Variants in EPHA6 observed in about 807,000 individuals in gnomAD.
EPHA6 encodes EPH receptor A6, also known as ephrin type-A receptor 6.
In EPHA6, 50 loss-of-function variants were observed where a neutral mutation model predicts 112.0. The ratio of observed to expected loss-of-function variants is 0.45; its 90% CI spans 0.36 to 0.56. The LOEUF (loss-of-function observed/expected upper bound fraction) is 0.56. EPHA6 is among the 20% of genes least tolerant of loss of function. EPHA6 has a pLI of 0.00. For synonymous variants in EPHA6, 529 were observed against 490.7 expected (o/e 1.08, Z -1.03); for missense variants, 1,280 against 1,417.4 (o/e 0.90, Z 1.56).
intron 3 of EPHA6, among the ~76,000 whole-genome samples, chr3:97,178,686 A>C (rs1166592024): frequency 6.6e-5 from 10 of 152,124 alleles, no homozygotes; most frequent in Admixed American, 6.6e-4. Context: ...CCTGTCCTCT[A>C]TGCTTTCCAC....
In EPHA6 at chr3:97,108,791, C is replaced by A. The variant is rs1272823620; in HGVS notation, c.1115-117473C>A. Reference sequence around the variant, plus strand: ...CTCTTTGGGACCTTGACCTCACTTCCAAATACTTCCAGTTATTATTGAGAA... The same window carrying A: ...CTCTTTGGGACCTTGACCTCACTTCAAAATACTTCCAGTTATTATTGAGAA... On this transcript the variant is annotated intron_variant, in intron 3 of 17. Transcript: ENST00000389672. Among the ~76,000 whole-genome samples, 3 of 152,164 alleles carry A rather than the reference C, an allele frequency of 2.0e-5. No homozygotes were observed. The East Asian group carries it at 5.8e-4, about 29-fold the overall frequency.
At chr3:96,878,165 T>C (rs2037087720) in intron 2 of EPHA6, among the ~76,000 whole-genome samples, 1 of 152,004 alleles carries the variant, frequency 6.6e-6, no homozygotes, top group South Asian at 2.1e-4. Flanking sequence ...TAAATAAATA[T>C]GTACAGCCAC....
At position 97,383,151 on chromosome 3, in the gene EPHA6, T is replaced by C. The variant is rs543647440; in HGVS notation, c.1607-21999T>C. On this transcript the variant is annotated intron_variant, in intron 5 of 17. Coordinates refer to ENST00000389672, the MANE Select transcript of EPHA6 (RefSeq NM_001080448.3). The stretch of plus-strand genomic sequence containing the variant: ...TGAAAGACTAATTAGGACCTCAATA[T>C]GTTGATTTGGAAAATAAGCTGTGGA... 1.4e-3 allele frequency among the ~76,000 whole-genome samples: 206 copies of C among 152,164 alleles called. 1 individual carries two copies. Among genetic ancestry groups the C allele is most frequent in the Middle Eastern group, 6.8e-3 (2 of 294 alleles).
chr3:97,282,909 G>A (rs2080336915), intron 5 of EPHA6, among the ~76,000 whole-genome samples: 2 of 152,136 alleles, frequency 1.3e-5, no homozygotes, highest in Non-Finnish European at 1.5e-5. Flanking sequence ...GTGATAGGTT[G>A]ATAGGTACAG....
chr3:96,969,535 A>C (rs1374469275), intron 2 of EPHA6, among the ~76,000 whole-genome samples: 1 of 151,994 alleles, frequency 6.6e-6, no homozygotes, highest in African/African-American at 2.4e-5. Context: ...CAAAACATAT[A>C]TCATTGTGAA....
chr3:97,299,830 G>A (rs543115133), intron 5 of EPHA6, among the ~76,000 whole-genome samples: 1 of 152,286 alleles, frequency 6.6e-6, no homozygotes, highest in Admixed American at 6.5e-5. Flanking sequence ...CTTAGGTTGT[G>A]CCTCAGTTGG....
intron 11 of EPHA6, among the ~76,000 whole-genome samples, chr3:97,584,174 T>C (rs944365302): frequency 6.6e-6 from 1 of 152,196 alleles, no homozygotes; most frequent in African/African-American, 2.4e-5. Context: ...ACTACCTTTG[T>C]ATTGTTCATA....
chr3:97,352,283 G>A (rs1173671317), intron 5 of EPHA6, among the ~76,000 whole-genome samples: 1 of 152,040 alleles, frequency 6.6e-6, no homozygotes, highest in African/African-American at 2.4e-5. Flanking sequence ...CCCAACAGGA[G>A]CACCAAATTG....
intron 11 of EPHA6, among the ~76,000 whole-genome samples, chr3:97,556,362 G>C (rs1173662169): frequency 6.6e-6 from 1 of 152,028 alleles, no homozygotes; most frequent in Non-Finnish European, 1.5e-5. Flanking sequence ...CCTGAGACTG[G>C]GTAATTTACA....
intron 2 of EPHA6, 44 bp downstream of exon 2, chr3:96,866,933 T>A: frequency 1.8e-6 from 2 of 1,141,656 alleles, no homozygotes; most frequent in Admixed American, 5.7e-5. Context: ...TTTAGATTTT[T>A]AAGATCTCCT....
chr3:97,329,855 C>A (rs1169158378), intron 5 of EPHA6, among the ~76,000 whole-genome samples: 1 of 151,894 alleles, frequency 6.6e-6, no homozygotes, highest in Admixed American at 6.6e-5. Context: ...GCTTTTGTTG[C>A]CATTGCTTTT....
In EPHA6 at chr3:97,285,916, CATAA is replaced by C. The variant is rs896938391; in HGVS notation, c.1606+41634_1606+41637del. On this transcript the variant is annotated intron_variant, in intron 5 of 17. Coordinates refer to ENST00000389672, the MANE Select transcript of EPHA6 (RefSeq NM_001080448.3). Reference sequence around the variant, plus strand: ...CAGCATGTACTATTTTTTGTCATTTCATAAATAATCATTCTAGGGTAAGATGATA... The same window carrying C: ...CAGCATGTACTATTTTTTGTCATTTCATAATCATTCTAGGGTAAGATGATA... Among the ~76,000 whole-genome samples, 160 of 152,118 alleles carry C rather than the reference CATAA, an allele frequency of 1.1e-3. 1 individual carries two copies. The highest frequency in any genetic ancestry group is 3.4e-3 in the African/African-American group (141 of 41,548).
intron 3 of EPHA6, among the ~76,000 whole-genome samples, chr3:96,994,541 G>C (rs2043331057): frequency 6.6e-6 from 1 of 151,688 alleles, no homozygotes; most frequent in South Asian, 2.1e-4. Flanking sequence ...TGCAATTTTT[G>C]TTTAGTTATA....
chr3:97,461,846 G>A (rs1487693170), intron 7 of EPHA6, among the ~76,000 whole-genome samples: 2 of 152,100 alleles, frequency 1.3e-5, no homozygotes, highest in Non-Finnish European at 2.9e-5. Flanking sequence ...GAAACTCCAC[G>A]TTTTGACTTC....
intron 5 of EPHA6, among the ~76,000 whole-genome samples, chr3:97,300,378 A>C (rs2081044093): frequency 6.6e-6 from 1 of 152,208 alleles, no homozygotes; most frequent in South Asian, 2.1e-4. Context: ...GGTAAAGGAC[A>C]GTATCTTTGT....
intron 7 of EPHA6, among the ~76,000 whole-genome samples, chr3:97,454,670 G>A (rs542777213): frequency 2.6e-5 from 4 of 151,888 alleles, no homozygotes; most frequent in Admixed American, 6.6e-5. Context: ...GTAAAATGAC[G>A]ATTTTGTTGT....
chr3:96,845,075 A>C (rs1390579320), intron 1 of EPHA6, among the ~76,000 whole-genome samples: 1 of 152,060 alleles, frequency 6.6e-6, no homozygotes, highest in African/African-American at 2.4e-5. Context: ...ATATTAGTCC[A>C]AAGATAAGAT....
intron 5 of EPHA6, among the ~76,000 whole-genome samples, chr3:97,290,900 G>A (rs1411859422): frequency 6.6e-6 from 1 of 151,482 alleles, no homozygotes; most frequent in Non-Finnish European, 1.5e-5. Flanking sequence ...TTTCTGCTCT[G>A]ATCTTTATTG....
chr3:97,141,046 C>G (rs2075887972), intron 3 of EPHA6, among the ~76,000 whole-genome samples: 1 of 151,992 alleles, frequency 6.6e-6, no homozygotes, highest in African/African-American at 2.4e-5. Context: ...TCAGATCAAA[C>G]AGACATTAAA....
Sources: gnomAD v4.1 joint callset for allele counts (sites outside exome capture counted in the v4.1 genomes callset) on GRCh38, gnomAD v4.1.1 for gene constraint, MANE v1.5 for transcripts, NCBI Gene and HGNC (gene_info 2026-07-23, HGNC 2026-07-21) for gene names.